Variants in C19orf38 observed in about 807,000 individuals in gnomAD.
C19orf38 encodes the protein protein HIDE1.
In C19orf38, 14 loss-of-function variants were observed where a neutral mutation model predicts 26.6. That is an observed-to-expected ratio of 0.53 (90% CI 0.35 to 0.82). The LOEUF (loss-of-function observed/expected upper bound fraction) is 0.82. C19orf38 is among the 40% of genes least tolerant of loss of function. C19orf38 has a pLI of 0.01. For synonymous variants in C19orf38, 132 were observed against 128.5 expected, an observed-to-expected ratio of 1.03 and a Z score of -0.18; for missense variants, 261 against 299.5, an observed-to-expected ratio of 0.87 and a Z score of 0.95.
intron 1 of C19orf38, among the ~76,000 whole-genome samples, chr19:10,837,502 C>CTT (rs2073443327): frequency 5.1e-5 from 6 of 117,746 alleles, no homozygotes; most frequent in Non-Finnish European, 1.1e-4. Context: ...ATTTTTTTTT[C>CTT]CTTTTTTTTT....
intron 1 of C19orf38, among the ~76,000 whole-genome samples, chr19:10,849,705 GTAATAATAAAT>G (rs141442817): frequency 0.04 from 6,074 of 151,936 alleles, 459 homozygotes; most frequent in East Asian, 0.36. Context: ...AATAAATAAA[GTAATAATAAAT>G]TAAATAAAAA....
chr19:10,844,985 T>G (rs1444150906), upstream of C19orf38, among the ~76,000 whole-genome samples: 1 of 109,366 alleles, frequency 9.1e-6, no homozygotes. Context: ...AGTGAGACCC[T>G]TTCTCTACAA....
chr19:10,859,268 G>A lies in C19orf38; in HGVS notation c.462-647G>A, dbSNP rs1449111350. ...TATGTGTGTGTGTGTGTGTGTGTGT[G>A]TGTGTGTGTGTATGTGTGTGTGTAT... On this transcript the variant is annotated intron_variant, in intron 4 of 6. Coordinates refer to ENST00000397820, the MANE Select transcript of C19orf38 (RefSeq NM_001136482.3). 4.4e-3 allele frequency among the ~76,000 whole-genome samples: 608 copies of A among 139,020 alleles called. 8 individuals carry two copies. The highest frequency in any genetic ancestry group is 0.016 in the African/African-American group (582 of 36,768). 91.2% of individuals were successfully genotyped at this position (139,020 alleles called of 152,430 possible).
At chr19:10,841,852 C>T (rs2073480290) in intron 1 of C19orf38, 1 of 1,464,024 alleles carries the variant, frequency 6.8e-7, no homozygotes, top group Non-Finnish European at 9.6e-7. Flanking sequence ...GGAACAATCC[C>T]ATTTCCTGAG....
chr19:10,842,295 C>CT (rs1309037652), intron 1 of C19orf38: 3 of 844,884 alleles, frequency 3.6e-6, no homozygotes, highest in Non-Finnish European at 5.7e-6. Context: ...GAGTCTCACT[C>CT]TGTCACCCAG....
chr19:10,838,942 T>C (rs2073458551), intron 1 of C19orf38, among the ~76,000 whole-genome samples: 1 of 150,644 alleles, frequency 6.6e-6, no homozygotes, highest in South Asian at 2.1e-4. Flanking sequence ...TGAGACAGAG[T>C]CTTGCCCTGT....
chr19:10,848,625 G>T, intron 1 of C19orf38, 86 bp downstream of exon 1: 5 of 1,334,868 alleles, frequency 3.7e-6, no homozygotes, highest in Non-Finnish European at 5.2e-6. Flanking sequence ...AGAAACCAGT[G>T]CAGGGGCTGC....
chr19:10,867,513 G>A (rs140443729), intron 6 of C19orf38, among the ~76,000 whole-genome samples: 2,613 of 150,826 alleles, frequency 0.017, 91 homozygotes, highest in African/African-American at 0.061. Flanking sequence ...AGCTACTCGG[G>A]AGGCTTAGGC....
At chr19:10,836,756 CG>C in exon 1 of C19orf38, 1 of 152,844 alleles carries the variant, frequency 6.5e-6, no homozygotes, top group South Asian at 1.9e-4. Flanking sequence ...GAGGCATCAG[CG>C]TATCAGTTTC....
At chr19:10,860,086 T>C in intron 5 of C19orf38, 128 bp downstream of exon 5, 2 of 914,264 alleles carry the variant, frequency 2.2e-6, no homozygotes. Flanking sequence ...AAACACACCC[T>C]CGCCACCTCT....
intron 1 of C19orf38, among the ~76,000 whole-genome samples, chr19:10,849,643 G>A (rs760579251): frequency 3.5e-4 from 54 of 152,244 alleles, no homozygotes; most frequent in Admixed American, 2.0e-3. Context: ...TCAGGAGGCT[G>A]AGGCCACTGT....
intron 1 of C19orf38, among the ~76,000 whole-genome samples, chr19:10,849,017 G>A (rs2073542824): frequency 2.0e-5 from 3 of 151,898 alleles, no homozygotes; most frequent in South Asian, 2.1e-4. Flanking sequence ...GCAGGAAGCC[G>A]TGCTCCAAAA....
At chr19:10,853,561 C>T (rs1317178718) in intron 2 of C19orf38, among the ~76,000 whole-genome samples, 2 of 151,334 alleles carry the variant, frequency 1.3e-5, no homozygotes, top group Non-Finnish European at 2.9e-5. Flanking sequence ...GCTGGAATTA[C>T]AGGCGTGAGC....
chr19:10,837,271 C>T (rs1418030626), intron 1 of C19orf38, among the ~76,000 whole-genome samples: 3 of 152,124 alleles, frequency 2.0e-5, no homozygotes, highest in Non-Finnish European at 2.9e-5. Flanking sequence ...AAGATAAACC[C>T]GGAAAAGGTT....
intron 2 of C19orf38, among the ~76,000 whole-genome samples, chr19:10,854,420 G>A (rs942166859): frequency 2.0e-5 from 3 of 152,118 alleles, no homozygotes; most frequent in East Asian, 1.9e-4. Context: ...GTTGCCAGCC[G>A]AGGCCAACAT....
chr19:10,845,088 T>C (rs139282055), upstream of C19orf38, among the ~76,000 whole-genome samples: 353 of 149,818 alleles, frequency 2.4e-3, 2 homozygotes, highest in African/African-American at 7.2e-3. Flanking sequence ...GCCTGAGAGA[T>C]GGAGACTGCA....
upstream of C19orf38, among the ~76,000 whole-genome samples, chr19:10,844,939 C>G (rs980471983): frequency 6.8e-6 from 1 of 147,102 alleles, no homozygotes; most frequent in Non-Finnish European, 1.5e-5. Context: ...GGGAGGATTA[C>G]TTGAGCCCAG....
At chr19:10,866,597 T>C (rs1309479853) in intron 6 of C19orf38, among the ~76,000 whole-genome samples, 2 of 151,892 alleles carry the variant, frequency 1.3e-5, no homozygotes, top group African/African-American at 4.8e-5. Context: ...GCAATTCTCA[T>C]GTCTCAGCTT....
At chr19:10,853,047 CAA>C (rs530349055) in intron 2 of C19orf38, among the ~76,000 whole-genome samples, 3 of 84,586 alleles carry the variant, frequency 3.5e-5, no homozygotes, top group Admixed American at 1.3e-4. Context: ...CCTGTCTCTA[CAA>C]AAAAAAAAAA....
Sources: allele counts gnomAD v4.1 joint callset (sites outside exome capture counted in the v4.1 genomes callset), GRCh38; gene constraint gnomAD v4.1.1; transcripts MANE v1.5; gene names NCBI Gene and HGNC (gene_info 2026-07-23, HGNC 2026-07-21).